The following HORMAD1 variants were observed in gnomAD, a reference collection of about 807,000 sequenced individuals.
The protein encoded by HORMAD1 is HORMA domain-containing protein 1.
Under a neutral mutation model 58.2 loss-of-function variants are expected in HORMAD1, and 33 were observed. The observed-to-expected ratio is 0.57, with a 90% CI of 0.43 to 0.76. The LOEUF (loss-of-function observed/expected upper bound fraction) is 0.76, where lower values mean the gene tolerates loss of function less well. HORMAD1 is among the 30% of genes least tolerant of loss of function. The pLI, the probability that HORMAD1 is intolerant of heterozygous loss-of-function variation, is 0.00. For missense variants in HORMAD1, 363 were observed against 462.0 expected, an observed-to-expected ratio of 0.79 and a Z score of 1.96; for synonymous variants, 137 against 144.6, an observed-to-expected ratio of 0.95 and a Z score of 0.38.
chr1:150,702,561 G>A (rs2101844250), intron 13 of HORMAD1, among the ~76,000 whole-genome samples: 1 of 152,102 alleles, frequency 6.6e-6, no homozygotes, highest in South Asian at 2.1e-4. Flanking sequence ...AAAATAAGCA[G>A]CCATAAAAAG....
chr1:150,715,079 C>T (rs916514172), intron 3 of HORMAD1, among the ~76,000 whole-genome samples: 1 of 151,824 alleles, frequency 6.6e-6, no homozygotes, highest in Admixed American at 6.6e-5. Context: ...GCCACCTTGC[C>T]CAGCACAGGT....
At chr1:150,708,705 G>A (rs189218967) in intron 8 of HORMAD1, among the ~76,000 whole-genome samples, 189 bp downstream of exon 8, 1 of 152,232 alleles carries the variant, frequency 6.6e-6, no homozygotes, top group East Asian at 1.9e-4. Flanking sequence ...AATTAAAATT[G>A]CTTATTATTA....
chr1:150,708,167 GTGCTAAAAATATT>G, intron 9 of HORMAD1, 76 bp downstream of exon 9: 1 of 983,388 alleles, frequency 1.0e-6, no homozygotes, highest in South Asian at 2.3e-5. Context: ...AAAAATTTAG[GTGCTAAAAATATT>G]TGGAATGGAA....
intron 9 of HORMAD1, 77 bp from the exon 10 acceptor site, chr1:150,706,886 G>C: frequency 8.3e-7 from 1 of 1,205,684 alleles, no homozygotes; most frequent in Non-Finnish European, 1.1e-6. Context: ...AACACACGCA[G>C]ATTGCAGGTA....
intron 9 of HORMAD1, among the ~76,000 whole-genome samples, chr1:150,707,962 A>C (rs1455827260): frequency 1.3e-5 from 2 of 152,098 alleles, no homozygotes; most frequent in Admixed American, 6.6e-5. Context: ...CTGTTTCCCC[A>C]CATCCTTATC....
Position 150,708,916 on chromosome 1 carries a change from C to A in HORMAD1, c.373G>T (p.Gly125Ter). The A allele has an allele frequency of 6.7e-7, 1 of 1,503,590 alleles. No homozygotes were observed. The highest frequency in any genetic ancestry group is 9.3e-7 in the Non-Finnish European group (1 of 1,079,712). The allele number at this position is 1,503,590 out of a possible 1,614,324, so 93.1% of individuals were successfully genotyped here. ...YQFKFKYTNN[G>*]PLMDFISKNQ... ...TACCTTATGAAGTCCATGAGTGGTC[C>A]ATTATTGGTGTATTTGAATTTGAAT... is the stretch of plus-strand genomic sequence containing the variant. Residue 125 changes from glycine to a stop codon, truncating the protein, a stop_gained, in exon 8 of 15, where the codon GGA (glycine) becomes TGA (stop). Coordinates refer to ENST00000361824, the MANE Select transcript of HORMAD1 (RefSeq NM_032132.5). LOFTEE classifies it high-confidence loss of function.
In HORMAD1 at chr1:150,703,304, AT is replaced by A; in HGVS notation, c.1032+5del. ...CAATGGAAAACAAACCTAAAGAGAT[AT>A]TTACCATTTTATTCTGAAAGACTTT... On this transcript the variant is annotated splice_donor_5th_base_variant and intron_variant, in intron 13 of 14. Transcript: ENST00000361824. 1 of 1,433,492 alleles carries A rather than the reference AT, an allele frequency of 7.0e-7. No homozygotes were observed. The highest frequency in any genetic ancestry group is 9.7e-7 in the Non-Finnish European group (1 of 1,030,046). 88.8% of individuals were successfully genotyped at this position (1,433,492 alleles called of 1,614,324 possible).
chr1:150,698,794 T>C, intron 14 of HORMAD1, 60 bp from the exon 15 acceptor site: 1 of 993,166 alleles, frequency 1.0e-6, no homozygotes, highest in Non-Finnish European at 1.5e-6. Flanking sequence ...TCTTTAATTG[T>C]AGATTTTTTC....
chr1:150,709,541 G>A (rs975636956), intron 7 of HORMAD1, among the ~76,000 whole-genome samples: 7 of 152,222 alleles, frequency 4.6e-5, no homozygotes, highest in African/African-American at 7.2e-5. Flanking sequence ...GCCCTTGAAA[G>A]CGGGGTATTG....
intron 5 of HORMAD1, 60 bp downstream of exon 5, chr1:150,714,023 CCA>C (rs1331617432): frequency 2.0e-6 from 2 of 1,022,434 alleles, no homozygotes; most frequent in African/African-American, 3.2e-5. Context: ...CATCATAACT[CCA>C]GTTATATTTG....
At chr1:150,713,939 A>G (rs1432542591) in intron 5 of HORMAD1, 146 bp downstream of exon 5, 1 of 636,818 alleles carries the variant, frequency 1.6e-6, no homozygotes, top group South Asian at 1.8e-5. Flanking sequence ...AGTCTTTAAA[A>G]TATTCAAATG....
intron 9 of HORMAD1, among the ~76,000 whole-genome samples, chr1:150,707,859 C>A (rs1372401939): frequency 6.6e-6 from 1 of 152,122 alleles, no homozygotes; most frequent in African/African-American, 2.4e-5. Context: ...TTGCTTGAAC[C>A]CAGGAGGTGG....
At chr1:150,704,787 G>A (rs112967224) in intron 10 of HORMAD1, among the ~76,000 whole-genome samples, 58,532 of 151,908 alleles carry the variant, frequency 0.39, 11,588 homozygotes, top group South Asian at 0.55. Flanking sequence ...TTACGCCTGT[G>A]TTCCCAGCAC....
intron 13 of HORMAD1, among the ~76,000 whole-genome samples, chr1:150,700,709 TAATAC>T (rs1262091944): frequency 6.6e-6 from 1 of 152,194 alleles, no homozygotes; most frequent in Non-Finnish European, 1.5e-5. Context: ...ATGAAAGGAA[TAATAC>T]AATATGTGGA....
At chr1:150,720,073 T>C (rs1187210098) in intron 1 of HORMAD1, among the ~76,000 whole-genome samples, 2 of 69,510 alleles carry the variant, frequency 2.9e-5, no homozygotes, top group Non-Finnish European at 6.8e-5. Flanking sequence ...ACCATATATA[T>C]ATATACAATT....
intron 14 of HORMAD1, 131 bp from the exon 15 acceptor site, chr1:150,698,865 A>G (rs1303185146): frequency 3.8e-6 from 2 of 532,650 alleles, no homozygotes; most frequent in East Asian, 3.2e-5. Flanking sequence ...TAGCATAACT[A>G]TATCTGGGTT....
In HORMAD1 at chr1:150,698,466, T is replaced by C. The variant is rs919586114; in HGVS notation, c.*188A>G. The C allele has an allele frequency of 1.3e-5, 5 of 388,480 alleles. No homozygotes were observed. Among genetic ancestry groups the C allele is most frequent in the Non-Finnish European group, 2.3e-5 (5 of 215,090 alleles). The allele number at this position is 388,480 out of a possible 1,614,324, so 24.1% of individuals were successfully genotyped here. A position where few individuals can be genotyped will look rare whatever the true frequency, so the allele number is the denominator to read the frequency against. On this transcript the variant is annotated 3_prime_UTR_variant, in exon 15 of 15. Coordinates refer to ENST00000361824, the MANE Select transcript of HORMAD1 (RefSeq NM_032132.5). ...TATGACATTTGTACTTTTGCTTTTA[T>C]TCAAAAGTTCTATTGGATTTATCTC...
At chr1:150,708,753 A>G in intron 8 of HORMAD1, 141 bp downstream of exon 8, 1 of 557,008 alleles carries the variant, frequency 1.8e-6, no homozygotes, top group African/African-American at 1.9e-5. Flanking sequence ...GCAAGCCACC[A>G]CTCCATTTTG....
At chr1:150,715,864 A>G (rs1652053167) in intron 3 of HORMAD1, among the ~76,000 whole-genome samples, 1 of 151,520 alleles carries the variant, frequency 6.6e-6, no homozygotes, top group African/African-American at 2.4e-5. Context: ...GAAAAATTTT[A>G]TGATTAAGTG....
Sources: gnomAD v4.1 joint callset for allele counts (sites outside exome capture counted in the v4.1 genomes callset) on GRCh38, gnomAD v4.1.1 for gene constraint, MANE v1.5 for transcripts, NCBI Gene and HGNC (gene_info 2026-07-23, HGNC 2026-07-21) for gene names.